Variants in PLPPR1 observed in about 807,000 individuals in gnomAD.
The protein encoded by PLPPR1 is phospholipid phosphatase-related protein type 1.
Under a neutral mutation model 33.1 loss-of-function variants are expected in PLPPR1, and 10 were observed. That is an observed-to-expected ratio of 0.30 (90% CI 0.19 to 0.51). The LOEUF (loss-of-function observed/expected upper bound fraction) is 0.51. Ranked by LOEUF, PLPPR1 falls within the 20% of genes least tolerant of loss-of-function variation. The pLI is 0.97. For synonymous variants in PLPPR1, 151 were observed against 151.0 expected, an observed-to-expected ratio of 1.00 and a Z score of 0.00; for missense variants, 304 against 408.1, an observed-to-expected ratio of 0.74 and a Z score of 2.20.
At chr9:101,119,265 A>T (rs138439276) in intron 1 of PLPPR1, among the ~76,000 whole-genome samples, 42 of 152,298 alleles carry the variant, frequency 2.8e-4, no homozygotes, top group African/African-American at 1.0e-3. Context: ...CCCTTGTGTT[A>T]TGGTATCCTT....
chr9:101,264,026 A>T (rs970686767), intron 2 of PLPPR1, among the ~76,000 whole-genome samples: 10 of 152,024 alleles, frequency 6.6e-5, no homozygotes, highest in African/African-American at 2.4e-4. Flanking sequence ...GTGAGGTCTC[A>T]TGGGGGCTGT....
chr9:101,232,436 C>CT (rs1827207973), intron 2 of PLPPR1, among the ~76,000 whole-genome samples: 1 of 150,148 alleles, frequency 6.7e-6, no homozygotes, highest in African/African-American at 2.5e-5. Flanking sequence ...GTTTGGGGAG[C>CT]TTTTTTCAGG....
Position 101,301,521 on chromosome 9 carries a change from A to G in PLPPR1, c.386-7690A>G, listed in dbSNP as rs10124286. ...GGTTCAGATTAATTGACTTTAATAA[A>G]ATCTTTTCTTATGATTTCAACCATC... On this transcript the variant is annotated intron_variant, in intron 4 of 7. Coordinates refer to ENST00000374874, the MANE Select transcript of PLPPR1 (RefSeq NM_207299.2). 3.7e-3 allele frequency among the ~76,000 whole-genome samples: 571 copies of G among 152,306 alleles called. 4 individuals are homozygous for G. Among genetic ancestry groups the G allele is most frequent in the African/African-American group, 0.013 (549 of 41,570 alleles).
At chr9:101,274,857 C>T (rs1828160499) in intron 3 of PLPPR1, among the ~76,000 whole-genome samples, 1 of 152,178 alleles carries the variant, frequency 6.6e-6, no homozygotes, top group South Asian at 2.1e-4. Context: ...AGCCATGTTC[C>T]TTCTGTGGGT....
chr9:101,205,410 G>T (rs760959808), intron 2 of PLPPR1, among the ~76,000 whole-genome samples: 1 of 152,128 alleles, frequency 6.6e-6, no homozygotes, highest in African/African-American at 2.4e-5. Flanking sequence ...CCTAGAAGGG[G>T]CCTTGTCAAT....
chr9:101,165,233 G>C (rs1825838561), intron 1 of PLPPR1, among the ~76,000 whole-genome samples: 1 of 152,114 alleles, frequency 6.6e-6, no homozygotes, highest in Admixed American at 6.6e-5. Flanking sequence ...GGCTTAAGAG[G>C]GTTTAAGAGA....
intron 5 of PLPPR1, among the ~76,000 whole-genome samples, chr9:101,310,941 C>G (rs1024392950): frequency 2.6e-5 from 4 of 152,116 alleles, no homozygotes; most frequent in Admixed American, 6.5e-5. Flanking sequence ...TTTGCTTTAT[C>G]AAAAACAAAA....
chr9:101,029,172 A>G, intron 1 of PLPPR1, 70 bp downstream of exon 1: 1 of 153,346 alleles, frequency 6.5e-6, no homozygotes, highest in Non-Finnish European at 1.5e-5. Flanking sequence ...AGCGCGGGGC[A>G]AGCTCCTGGC....
chr9:101,263,842 C>G (rs1827941964), intron 2 of PLPPR1, among the ~76,000 whole-genome samples: 1 of 152,196 alleles, frequency 6.6e-6, no homozygotes, highest in Non-Finnish European at 1.5e-5. Context: ...GTGTTTAAAA[C>G]AGTTCCTGGG....
At chr9:101,257,826 A>ATTT (rs146118756) in intron 2 of PLPPR1, among the ~76,000 whole-genome samples, 187 of 151,140 alleles carry the variant, frequency 1.2e-3, no homozygotes, top group South Asian at 1.9e-3. Flanking sequence ...CTAAAATCCT[A>ATTT]TTTTTTTTTA....
At chr9:101,285,041 C>G (rs987307473) in intron 3 of PLPPR1, among the ~76,000 whole-genome samples, 1 of 152,196 alleles carries the variant, frequency 6.6e-6, no homozygotes, top group Non-Finnish European at 1.5e-5. Context: ...TAAACTGTCA[C>G]TCCTCAACAG....
chr9:101,153,343 G>T (rs1483742871), intron 1 of PLPPR1, among the ~76,000 whole-genome samples: 1 of 152,070 alleles, frequency 6.6e-6, no homozygotes, highest in Non-Finnish European at 1.5e-5. Context: ...CTGCAAACAG[G>T]GACAATTTGA....
chr9:101,054,087 G>T (rs963190409), intron 1 of PLPPR1, among the ~76,000 whole-genome samples: 1 of 152,154 alleles, frequency 6.6e-6, no homozygotes, highest in African/African-American at 2.4e-5. Context: ...AGGAGGCTGA[G>T]TCAGGAGAAT....
intron 1 of PLPPR1, among the ~76,000 whole-genome samples, chr9:101,138,343 C>A (rs1176858438): frequency 2.0e-5 from 3 of 152,146 alleles, no homozygotes; most frequent in African/African-American, 7.2e-5. Flanking sequence ...CTATATTTCA[C>A]TTACTGCTGT....
chr9:101,258,271 G>A (rs181062626), intron 2 of PLPPR1, among the ~76,000 whole-genome samples: 73 of 152,194 alleles, frequency 4.8e-4, no homozygotes, highest in African/African-American at 1.8e-3. Flanking sequence ...TGTGGTGTCT[G>A]TCCATCCTTC....
intron 2 of PLPPR1, among the ~76,000 whole-genome samples, chr9:101,244,230 T>G (rs534681656): frequency 1.1e-4 from 16 of 152,026 alleles, no homozygotes; most frequent in African/African-American, 3.6e-4. Context: ...CCATGTAGCT[T>G]TGCAGTGTAG....
chr9:101,316,119 G>T (rs553199681), intron 6 of PLPPR1, among the ~76,000 whole-genome samples: 24 of 152,308 alleles, frequency 1.6e-4, no homozygotes, highest in Admixed American at 1.1e-3. Flanking sequence ...AGTTTCTACA[G>T]GTTCCCCTCT....
chr9:101,182,480 A>G (rs1188386463), intron 1 of PLPPR1, among the ~76,000 whole-genome samples: 1 of 151,864 alleles, frequency 6.6e-6, no homozygotes, highest in Non-Finnish European at 1.5e-5. Flanking sequence ...GCACCACATT[A>G]TACCTCATAA....
At chr9:101,233,506 A>T (rs1176434822) in intron 2 of PLPPR1, among the ~76,000 whole-genome samples, 1 of 151,944 alleles carries the variant, frequency 6.6e-6, no homozygotes, top group Non-Finnish European at 1.5e-5. Context: ...TTCAAAATTC[A>T]TAGTGAAATT....
Sources: allele counts gnomAD v4.1 joint callset (sites outside exome capture counted in the v4.1 genomes callset), GRCh38; gene constraint gnomAD v4.1.1; transcripts MANE v1.5; gene names NCBI Gene and HGNC (gene_info 2026-07-23, HGNC 2026-07-21).